The following NRG3 variants were observed in gnomAD, a reference collection of about 807,000 sequenced individuals.
NRG3 encodes the protein neuregulin 3, also known as pro-neuregulin-3, membrane-bound isoform.
A neutral mutation model predicts 66.9 loss-of-function variants in NRG3; 31 were observed. The observed-to-expected ratio is 0.46, with a 90% CI of 0.35 to 0.63. The LOEUF (loss-of-function observed/expected upper bound fraction) is 0.63, where lower values mean the gene tolerates loss of function less well. Ranked by LOEUF, NRG3 falls within the 20% of genes least tolerant of loss-of-function variation. The pLI, the probability that NRG3 is intolerant of heterozygous loss-of-function variation, is 0.00. For missense variants in NRG3, 910 were observed against 878.9 expected, an observed-to-expected ratio of 1.04 and a Z score of -0.45; for synonymous variants, 393 against 359.4, an observed-to-expected ratio of 1.09 and a Z score of -1.06.
intron 2 of NRG3, among the ~76,000 whole-genome samples, chr10:82,630,706 T>C (rs1328032133): frequency 3.9e-5 from 6 of 152,116 alleles, no homozygotes; most frequent in Non-Finnish European, 7.4e-5. Context: ...GAAATAGTTT[T>C]AATGGCCAAT....
chr10:82,654,907 C>G (rs58077349), intron 2 of NRG3, among the ~76,000 whole-genome samples: 1 of 151,714 alleles, frequency 6.6e-6, no homozygotes, highest in African/African-American at 2.4e-5. Context: ...TATCTCCCAC[C>G]AAAAATATAT....
chr10:82,010,524 A>C (rs911353902), intron 1 of NRG3, among the ~76,000 whole-genome samples: 1 of 152,220 alleles, frequency 6.6e-6, no homozygotes, highest in Non-Finnish European at 1.5e-5. Flanking sequence ...TTAATAAAAC[A>C]GTCTGCTACT....
At chr10:82,087,478 T>C (rs1305683248) in intron 1 of NRG3, among the ~76,000 whole-genome samples, 2 of 152,080 alleles carry the variant, frequency 1.3e-5, no homozygotes, top group African/African-American at 4.8e-5. Flanking sequence ...TCCCGGCCTC[T>C]CAAGTTGTTT....
intron 1 of NRG3, among the ~76,000 whole-genome samples, chr10:82,291,784 C>T (rs912970898): frequency 2.0e-4 from 31 of 152,122 alleles, no homozygotes; most frequent in Admixed American, 1.6e-3. Context: ...ACAAAAAACC[C>T]AACTGAACCT....
chr10:82,806,094 C>T (rs2061269248), intron 3 of NRG3, among the ~76,000 whole-genome samples: 1 of 152,140 alleles, frequency 6.6e-6, no homozygotes. Flanking sequence ...TCATCCTAAT[C>T]TACTGCTAGA....
At chr10:82,366,109 A>T (rs887615709) in intron 2 of NRG3, among the ~76,000 whole-genome samples, 1 of 152,174 alleles carries the variant, frequency 6.6e-6, no homozygotes. Context: ...ACTAACTCTG[A>T]TTTTTTGCAA....
chr10:82,828,640 A>G (rs2062364722), intron 3 of NRG3, among the ~76,000 whole-genome samples: 1 of 152,312 alleles, frequency 6.6e-6, no homozygotes, highest in Middle Eastern at 3.4e-3. Flanking sequence ...CATTTGTTTG[A>G]ATTTTACCAT....
chr10:82,968,151 C>G (rs996024647), intron 6 of NRG3, among the ~76,000 whole-genome samples: 2 of 152,182 alleles, frequency 1.3e-5, no homozygotes, highest in African/African-American at 4.8e-5. Flanking sequence ...GACTTCCAAA[C>G]TCTTAGCTTG....
chr10:82,725,688 T>C (rs951327719), intron 2 of NRG3, among the ~76,000 whole-genome samples: 1 of 152,172 alleles, frequency 6.6e-6, no homozygotes, highest in Non-Finnish European at 1.5e-5. Context: ...AGATAAACAA[T>C]GAATGCATTT....
At chr10:82,738,745 C>T in intron 3 of NRG3, 95 bp downstream of exon 3, 1 of 1,086,386 alleles carries the variant, frequency 9.2e-7, no homozygotes, top group Non-Finnish European at 1.4e-6. Flanking sequence ...ATATTTCAGT[C>T]TTGTGTCTCT....
chr10:82,472,878 C>A (rs1182599610), intron 2 of NRG3, among the ~76,000 whole-genome samples: 4 of 152,094 alleles, frequency 2.6e-5, no homozygotes, highest in Non-Finnish European at 5.9e-5. Flanking sequence ...TTGAATAAGC[C>A]AAGCCAACAA....
At chr10:82,403,202 A>T (rs1410170536) in intron 2 of NRG3, among the ~76,000 whole-genome samples, 1 of 151,990 alleles carries the variant, frequency 6.6e-6, no homozygotes. Context: ...TGAAATATTG[A>T]CTCTATTTTC....
chr10:82,417,997 A>G (rs1356338522), intron 2 of NRG3, among the ~76,000 whole-genome samples: 2 of 152,264 alleles, frequency 1.3e-5, no homozygotes, highest in Admixed American at 6.5e-5. Context: ...CAATTTAACC[A>G]GAGCACCTTG....
chr10:82,671,956 T>G (rs1210617228), intron 2 of NRG3, among the ~76,000 whole-genome samples: 1 of 152,220 alleles, frequency 6.6e-6, no homozygotes, highest in African/African-American at 2.4e-5. Flanking sequence ...TATATCTCCC[T>G]ATCCATCCTA....
chr10:82,165,981 C>G (rs1039496385), intron 1 of NRG3, among the ~76,000 whole-genome samples: 2 of 151,214 alleles, frequency 1.3e-5, no homozygotes, highest in South Asian at 4.2e-4. Flanking sequence ...CTGTTTTCTA[C>G]TTTTTTTAGA....
At chr10:82,130,210 ACTTTTT>A (rs2068722588) in intron 1 of NRG3, among the ~76,000 whole-genome samples, 1 of 150,964 alleles carries the variant, frequency 6.6e-6, no homozygotes, top group African/African-American at 2.4e-5. Context: ...TGTATGTATC[ACTTTTT>A]CTTTATATAT....
chr10:82,363,492 G>A (rs2084319558), intron 2 of NRG3, among the ~76,000 whole-genome samples: 1 of 152,196 alleles, frequency 6.6e-6, no homozygotes, highest in African/African-American at 2.4e-5. Context: ...GTCTCGCTCT[G>A]TCACCCAGGC....
At chr10:82,954,333 C>G (rs1040521657) in intron 5 of NRG3, among the ~76,000 whole-genome samples, 1 of 151,900 alleles carries the variant, frequency 6.6e-6, no homozygotes, top group Non-Finnish European at 1.5e-5. Context: ...CAGGGGACTT[C>G]CATCTTTGGG....
chr10:82,594,442 A>T (rs2047156562), intron 2 of NRG3, among the ~76,000 whole-genome samples: 1 of 152,096 alleles, frequency 6.6e-6, no homozygotes, highest in Non-Finnish European at 1.5e-5. Flanking sequence ...AAGTACAAGG[A>T]TTTCTCAAAA....
Sources: allele counts gnomAD v4.1 joint callset (sites outside exome capture counted in the v4.1 genomes callset), GRCh38; gene constraint gnomAD v4.1.1; transcripts MANE v1.5; gene names NCBI Gene and HGNC (gene_info 2026-07-23, HGNC 2026-07-21).